SCIN: variants seen among roughly 807,000 people sequenced by gnomAD.
SCIN encodes the protein adseverin.
Under a neutral mutation model 91.8 loss-of-function variants are expected in SCIN, and 91 were observed. The observed-to-expected ratio is 0.99, with a 90% CI of 0.84 to 1.18. The LOEUF (loss-of-function observed/expected upper bound fraction) is 1.18. SCIN is among the 50% of genes most tolerant of loss of function. The pLI is 0.00. For synonymous variants in SCIN, 367 were observed against 312.6 expected (o/e 1.17, Z -1.84); for missense variants, 1,087 against 863.9 (o/e 1.26, Z -3.24).
intron 3 of SCIN, among the ~76,000 whole-genome samples, chr7:12,581,944 G>T (rs971736231): frequency 6.6e-6 from 1 of 152,178 alleles, no homozygotes; most frequent in East Asian, 1.9e-4. Context: ...CCACTGAAAA[G>T]CCATGTGCAA....
chr7:12,619,536 T>A (rs1783363277), intron 4 of SCIN, among the ~76,000 whole-genome samples: 1 of 152,138 alleles, frequency 6.6e-6, no homozygotes, highest in African/African-American at 2.4e-5. Context: ...AAGTTCACCT[T>A]GGATCATAGT....
At chr7:12,629,989 A>G (rs1783609172) in intron 9 of SCIN, among the ~76,000 whole-genome samples, 1 of 152,118 alleles carries the variant, frequency 6.6e-6, no homozygotes, top group Non-Finnish European at 1.5e-5. Context: ...ATCTTCAAGC[A>G]GAGAAATGTG....
chr7:12,609,856 T>C (rs1410060619), intron 4 of SCIN, among the ~76,000 whole-genome samples: 1 of 112,866 alleles, frequency 8.9e-6, no homozygotes, highest in Non-Finnish European at 1.8e-5. Context: ...CATGCAATGA[T>C]TGTTTCAGAT....
chr7:12,636,504 G>T (rs1050384957), intron 10 of SCIN, among the ~76,000 whole-genome samples: 5 of 152,136 alleles, frequency 3.3e-5, no homozygotes, highest in African/African-American at 1.2e-4. Context: ...AGGTGTTCAT[G>T]TCCTAATCCT....
chr7:12,596,628 T>C (rs1782848436), intron 3 of SCIN, among the ~76,000 whole-genome samples: 1 of 151,974 alleles, frequency 6.6e-6, no homozygotes, highest in South Asian at 2.1e-4. Flanking sequence ...GATTGAGCAG[T>C]TGAGTCACCA....
intron 1 of SCIN, among the ~76,000 whole-genome samples, chr7:12,576,365 T>TTTG (rs533590715): frequency 8.4e-4 from 99 of 117,806 alleles, no homozygotes; most frequent in Admixed American, 5.5e-3. Context: ...GTTGTTTTTT[T>TTTG]TTGTTGTTGT....
At chr7:12,571,544 G>A (rs777647255) in intron 1 of SCIN, 2 of 452,602 alleles carry the variant, frequency 4.4e-6, no homozygotes, top group Non-Finnish European at 9.0e-6. Context: ...CTTTAAAACA[G>A]GATTCTACCC....
At chr7:12,588,760 C>T (rs993981032) in intron 3 of SCIN, among the ~76,000 whole-genome samples, 2 of 139,352 alleles carry the variant, frequency 1.4e-5, no homozygotes, top group African/African-American at 5.4e-5. Context: ...GATAAGGGTC[C>T]AGGAATGCAG....
At chr7:12,619,905 G>A (rs1733713578) in intron 4 of SCIN, among the ~76,000 whole-genome samples, 1 of 152,024 alleles carries the variant, frequency 6.6e-6, no homozygotes, top group African/African-American at 2.4e-5. Context: ...AAGTAACACA[G>A]GTGTTACTTG....
At chr7:12,604,081 T>A (rs1240943375) in intron 3 of SCIN, among the ~76,000 whole-genome samples, 5 of 152,074 alleles carry the variant, frequency 3.3e-5, no homozygotes, top group Non-Finnish European at 7.4e-5. Flanking sequence ...AACATCATGT[T>A]ATACACAATA....
chr7:12,592,254 G>A (rs1388342903), intron 3 of SCIN, among the ~76,000 whole-genome samples: 1 of 152,108 alleles, frequency 6.6e-6, no homozygotes, highest in Admixed American at 6.5e-5. Flanking sequence ...TAGGGGTTAT[G>A]GACTATGGGA....
intron 1 of SCIN, chr7:12,571,548 T>A (rs1251509654): frequency 2.2e-6 from 1 of 458,034 alleles, no homozygotes; most frequent in Admixed American, 2.6e-5. Flanking sequence ...AAAACAGGAT[T>A]CTACCCGCAC....
intron 9 of SCIN, among the ~76,000 whole-genome samples, chr7:12,631,870 T>C (rs1433195085): frequency 6.6e-6 from 1 of 152,126 alleles, no homozygotes; most frequent in East Asian, 1.9e-4. Context: ...ATAGAGAAGT[T>C]GATCCAAGAA....
At chr7:12,591,085 G>A (rs967595395) in intron 3 of SCIN, among the ~76,000 whole-genome samples, 6 of 152,152 alleles carry the variant, frequency 3.9e-5, no homozygotes, top group African/African-American at 7.2e-5. Context: ...GTTGATCATC[G>A]GGGTTGGTGA....
intron 4 of SCIN, among the ~76,000 whole-genome samples, chr7:12,611,721 G>C (rs1783195081): frequency 6.6e-6 from 1 of 152,046 alleles, no homozygotes; most frequent in African/African-American, 2.4e-5. Context: ...TAGCATTTTT[G>C]AAAGAGTCTA....
intron 7 of SCIN, 173 bp from the exon 8 acceptor site, chr7:12,626,411 A>C: frequency 1.7e-6 from 1 of 577,742 alleles, no homozygotes; most frequent in Non-Finnish European, 3.0e-6. Context: ...TCAAATATTC[A>C]AATTCAGCGG....
At chr7:12,580,827 G>A (rs1278391436) in intron 2 of SCIN, among the ~76,000 whole-genome samples, 3 of 152,202 alleles carry the variant, frequency 2.0e-5, no homozygotes, top group Non-Finnish European at 4.4e-5. Context: ...AATACTTGCA[G>A]TTGTCAATTG....
At chr7:12,629,391 T>C (rs2529785) in intron 9 of SCIN, among the ~76,000 whole-genome samples, 169 bp downstream of exon 9, 120,660 of 152,150 alleles carry the variant, frequency 0.79, 47,959 homozygotes, top group Admixed American at 0.84. Flanking sequence ...TGTTTTGCAG[T>C]TGCCATCCAC....
At chr7:12,631,811 A>T (rs1022453327) in intron 9 of SCIN, among the ~76,000 whole-genome samples, 2 of 152,206 alleles carry the variant, frequency 1.3e-5, no homozygotes, top group African/African-American at 4.8e-5. Context: ...GAACTAAGAC[A>T]GGCTCCTAGA....
Sources: allele counts gnomAD v4.1 joint callset (sites outside exome capture counted in the v4.1 genomes callset), GRCh38; gene constraint gnomAD v4.1.1; transcripts MANE v1.5; gene names NCBI Gene and HGNC (gene_info 2026-07-23, HGNC 2026-07-21).